The following DPP8 variants were observed in gnomAD, a reference collection of about 807,000 sequenced individuals.
DPP8 encodes the protein dipeptidyl peptidase 8, also known as DPP VIII.
A neutral mutation model predicts 107.5 loss-of-function variants in DPP8; 31 were observed. The ratio of observed to expected loss-of-function variants is 0.29; its 90% confidence interval spans 0.22 to 0.39. DPP8 has a LOEUF of 0.39. Among genes scored for constraint, DPP8 ranks in the 10% least tolerant of loss-of-function variants. The pLI is 1.00. For synonymous variants in DPP8, 381 were observed against 356.6 expected, an observed-to-expected ratio of 1.07 and a Z score of -0.77; for missense variants, 842 against 1,076.1, an observed-to-expected ratio of 0.78 and a Z score of 3.04.
Position 65,446,662 on chromosome 15 carries a change from C to G in DPP8, c.*222G>C. On this transcript the variant is annotated 3_prime_UTR_variant, in exon 20 of 20. Coordinates refer to ENST00000300141, the MANE Select transcript of DPP8 (RefSeq NM_130434.5). The stretch of plus-strand genomic sequence containing the variant: ...AGTAATTCTTATGGTATTGCTGGGT[C>G]TCTCAGGAATATGTATCATTTGATT... 3 of 172,248 alleles carry G rather than the reference C, an allele frequency of 1.7e-5. No homozygotes were observed. Among genetic ancestry groups the G allele is most frequent in the African/African-American group, 2.8e-5 (1 of 36,346 alleles). 10.7% of individuals were successfully genotyped at this position (172,248 alleles called of 1,614,324 possible).
intron 1 of DPP8, chr15:65,515,996 CAATATAGTCAAAAG>C: frequency 2.2e-6 from 1 of 445,510 alleles, no homozygotes. Flanking sequence ...ATGTGTAGCC[CAATATAGTCAAAAG>C]AATATCCTAA....
chr15:65,503,399 C>A (rs1204604416), intron 3 of DPP8, among the ~76,000 whole-genome samples: 1 of 151,970 alleles, frequency 6.6e-6, no homozygotes, highest in Non-Finnish European at 1.5e-5. Context: ...AGCCACCATG[C>A]CCAGCCTGAA....
At chr15:65,513,059 A>G (rs1292122622) in intron 1 of DPP8, among the ~76,000 whole-genome samples, 1 of 152,264 alleles carries the variant, frequency 6.6e-6, no homozygotes, top group Non-Finnish European at 1.5e-5. Context: ...ATTGTCAAAA[A>G]TAACGTGCAT....
intron 5 of DPP8, among the ~76,000 whole-genome samples, chr15:65,496,589 T>C (rs568750721): frequency 6.6e-6 from 1 of 152,304 alleles, no homozygotes; most frequent in African/African-American, 2.4e-5. Context: ...ACAATATACA[T>C]AGTTCTACAA....
At chr15:65,460,199 T>C (rs1321750639) in intron 15 of DPP8, among the ~76,000 whole-genome samples, 2 of 151,960 alleles carry the variant, frequency 1.3e-5, no homozygotes, top group Non-Finnish European at 2.9e-5. Flanking sequence ...ACCAGCACTA[T>C]GGGAGGCTGA....
At chr15:65,506,306 G>A (rs1205292341) in intron 3 of DPP8, among the ~76,000 whole-genome samples, 3 of 151,942 alleles carry the variant, frequency 2.0e-5, no homozygotes, top group Non-Finnish European at 4.4e-5. Flanking sequence ...TCCAGCCTGG[G>A]CAAGAAGTGC....
chr15:65,448,017 C>G (rs2063599810), intron 19 of DPP8, among the ~76,000 whole-genome samples: 1 of 152,010 alleles, frequency 6.6e-6, no homozygotes, highest in African/African-American at 2.4e-5. Flanking sequence ...AAAGATCCAT[C>G]TGAAGTATAA....
intron 2 of DPP8, among the ~76,000 whole-genome samples, chr15:65,509,320 T>C (rs907486175): frequency 6.6e-6 from 1 of 152,148 alleles, no homozygotes; most frequent in East Asian, 1.9e-4. Flanking sequence ...ACTGGTTTTC[T>C]TCTCTCCTCA....
chr15:65,489,618 C>T (rs1168727836), intron 6 of DPP8, among the ~76,000 whole-genome samples: 5 of 146,352 alleles, frequency 3.4e-5, no homozygotes, highest in Non-Finnish European at 7.5e-5. Context: ...CAGGGTTTCA[C>T]GGTGTTAGCC....
chr15:65,512,726 C>T (rs2070954183), intron 1 of DPP8, 162 bp from the exon 2 acceptor site: 1 of 665,460 alleles, frequency 1.5e-6, no homozygotes, highest in South Asian at 2.0e-5. Flanking sequence ...AACAGCTCTC[C>T]CTTCTCTGTG....
intron 2 of DPP8, among the ~76,000 whole-genome samples, chr15:65,508,465 T>C (rs935912152): frequency 1.3e-5 from 2 of 151,684 alleles, no homozygotes; most frequent in African/African-American, 4.8e-5. Context: ...CAGTGTAGAG[T>C]GAGTTACATA....
At chr15:65,460,849 T>C (rs1477269339) in intron 15 of DPP8, among the ~76,000 whole-genome samples, 1 of 152,208 alleles carries the variant, frequency 6.6e-6, no homozygotes, top group Non-Finnish European at 1.5e-5. Context: ...TACCAAGAAG[T>C]GGAATTTCTG....
At chr15:65,487,006 G>A (rs970292210) in intron 7 of DPP8, among the ~76,000 whole-genome samples, 2 of 150,948 alleles carry the variant, frequency 1.3e-5, no homozygotes, top group African/African-American at 2.5e-5. Context: ...AAAAAGGGGG[G>A]CTGAAAAGAG....
At chr15:65,510,964 T>C (rs1288154903) in intron 2 of DPP8, among the ~76,000 whole-genome samples, 1 of 152,236 alleles carries the variant, frequency 6.6e-6, no homozygotes, top group Non-Finnish European at 1.5e-5. Flanking sequence ...AATTACTCAC[T>C]ACTGGTGTAT....
Position 65,443,999 on chromosome 15 carries a change from T to G in DPP8, c.*2885A>C, listed in dbSNP as rs1595813631. On this transcript the variant is annotated 3_prime_UTR_variant, in exon 20 of 20. Transcript: ENST00000300141. ...TGGCGCCATCTCGGCTCACTGCAAC[T>G]TCCGCCTCCCAGGTTCAAGCGATTC... The G allele has an allele frequency of 6.6e-6, 1 of 152,364 alleles. No individual in the cohort carries two copies. Among genetic ancestry groups the G allele is most frequent in the South Asian group, 2.1e-4 (1 of 4,834 alleles). 9.4% of individuals were successfully genotyped at this position (152,364 alleles called of 1,614,324 possible).
rs555925432 is a variant in DPP8 at position 65,501,315 on chromosome 15, T to A, written c.373-536A>T. The stretch of plus-strand genomic sequence containing the variant: ...GATTTCCTAGTAAAGAGTCTTTAGA[T>A]GATTACTGTATACATTAGAGAACAA... On this transcript the variant is annotated intron_variant, in intron 3 of 19. Transcript: ENST00000300141. Among the ~76,000 whole-genome samples the A allele has an allele frequency of 6.6e-5, 10 of 152,312 alleles. No individual in the cohort carries two copies. In the South Asian group the frequency reaches 2.1e-3, roughly 32 times the overall value.
rs555799133 is a variant in DPP8 at position 65,457,828 on chromosome 15, CTG to C, written c.1972-1459_1972-1458del. On this transcript the variant is annotated intron_variant, in intron 15 of 19. Coordinates refer to ENST00000300141, the MANE Select transcript of DPP8 (RefSeq NM_130434.5). ...TTTACTTAAGAGATGGTGTCTCACT[CTG>C]TACCCCAGGCTGGAGTGTGGTGGTA... Among the ~76,000 whole-genome samples the C allele has an allele frequency of 1.9e-3, 289 of 151,558 alleles. 2 individuals are homozygous for C. Among genetic ancestry groups the C allele is most frequent in the African/African-American group, 6.8e-3 (282 of 41,342 alleles).
Position 65,512,264 on chromosome 15 carries a change from T to C in DPP8, c.259+31A>G, listed in dbSNP as rs1833576165. 3 of 1,573,438 alleles carry C rather than the reference T, an allele frequency of 1.9e-6. No individual in the cohort carries two copies. The African/African-American group carries it at 4.1e-5, about 21-fold the overall frequency. ...CTTTAAGTTTGACTTAAGAGATCAT[T>C]TTCTCTCAGAAACTACAACTTCGTA... is the stretch of plus-strand genomic sequence containing the variant. On this transcript the variant is annotated intron_variant, in intron 2 of 19. Coordinates refer to ENST00000300141, the MANE Select transcript of DPP8 (RefSeq NM_130434.5).
intron 3 of DPP8, 126 bp downstream of exon 3, chr15:65,507,117 A>T (rs553245324): frequency 2.4e-4 from 121 of 503,388 alleles, no homozygotes; most frequent in African/African-American, 2.3e-3. Context: ...TCATACATGC[A>T]AAAACATAAA....
Sources: gnomAD v4.1 joint callset for allele counts (sites outside exome capture counted in the v4.1 genomes callset) on GRCh38, gnomAD v4.1.1 for gene constraint, MANE v1.5 for transcripts, NCBI Gene and HGNC (gene_info 2026-07-23, HGNC 2026-07-21) for gene names.